SHISA9: variants seen among roughly 807,000 people sequenced by gnomAD.
SHISA9 encodes the protein shisa family member 9.
Under a neutral mutation model 38.0 loss-of-function variants are expected in SHISA9, and 13 were observed. The observed-to-expected ratio is 0.34, with a 90% confidence interval of 0.22 to 0.54. The LOEUF (loss-of-function observed/expected upper bound fraction) is 0.54. SHISA9 is among the 20% of genes least tolerant of loss of function. SHISA9 has a pLI of 0.91. For synonymous variants in SHISA9, 275 were observed against 242.0 expected (o/e 1.14, Z -1.27); for missense variants, 538 against 575.8 (o/e 0.93, Z 0.67).
At chr16:13,525,124 T>C in the SHISA9 span, among the ~76,000 whole-genome samples, 10 of 152,226 alleles carry the variant, frequency 6.6e-5, no homozygotes, top group Non-Finnish European at 1.5e-4. Flanking sequence ...TTCCAAGACG[T>C]TGATTTTAGG....
chr16:13,007,452 C>T (rs889125387), intron 2 of SHISA9, among the ~76,000 whole-genome samples: 7 of 152,150 alleles, frequency 4.6e-5, no homozygotes, highest in African/African-American at 1.7e-4. Context: ...TATTTCTTGC[C>T]TGTGGCCGCC....
the SHISA9 span, among the ~76,000 whole-genome samples, chr16:13,334,285 G>T: frequency 6.6e-6 from 1 of 152,206 alleles, no homozygotes; most frequent in South Asian, 2.1e-4. Context: ...GCAGATGTCT[G>T]GAGTTTGAGC....
chr16:13,261,179 A>G, the SHISA9 span, among the ~76,000 whole-genome samples: 1 of 152,144 alleles, frequency 6.6e-6, no homozygotes. Flanking sequence ...AAACAAGACC[A>G]TCTTGCCTAT....
At chr16:12,985,892 G>A (rs200568860) in intron 2 of SHISA9, among the ~76,000 whole-genome samples, 2 of 152,120 alleles carry the variant, frequency 1.3e-5, no homozygotes, top group East Asian at 1.9e-4. Context: ...CTGCTTCCAG[G>A]ACAACTCTGA....
the SHISA9 span, among the ~76,000 whole-genome samples, chr16:13,396,407 T>C: frequency 6.6e-6 from 1 of 152,192 alleles, no homozygotes; most frequent in Non-Finnish European, 1.5e-5. Flanking sequence ...CTGAGGAGGC[T>C]GAGGCACGAG....
chr16:13,094,724 G>A (rs2073809179), intron 2 of SHISA9, among the ~76,000 whole-genome samples: 1 of 152,088 alleles, frequency 6.6e-6, no homozygotes, highest in South Asian at 2.1e-4. Context: ...TTTGTTTTGG[G>A]TAAAATGAGG....
chr16:13,500,826 C>T, the SHISA9 span, among the ~76,000 whole-genome samples: 871 of 152,266 alleles, frequency 5.7e-3, 6 homozygotes, highest in African/African-American at 0.019. Flanking sequence ...TATAGGGCAG[C>T]TCTAAGAAGC....
intron 2 of SHISA9, among the ~76,000 whole-genome samples, chr16:12,970,398 T>TACATAG (rs1328820463): frequency 2.0e-4 from 1 of 5,110 alleles, no homozygotes; most frequent in Non-Finnish European, 4.2e-4. Flanking sequence ...TGTATATATA[T>TACATAG]ATATACATAT....
the SHISA9 span, among the ~76,000 whole-genome samples, chr16:13,286,457 C>G: frequency 6.6e-6 from 1 of 152,054 alleles, no homozygotes; most frequent in Non-Finnish European, 1.5e-5. Context: ...TTATTCACAC[C>G]AGTGTAAAAT....
At chr16:13,346,774 G>A in the SHISA9 span, among the ~76,000 whole-genome samples, 2 of 151,908 alleles carry the variant, frequency 1.3e-5, no homozygotes, top group Non-Finnish European at 2.9e-5. Context: ...CTACCATACC[G>A]TATACACCCC....
intron 2 of SHISA9, among the ~76,000 whole-genome samples, chr16:13,196,885 G>A (rs939125889): frequency 4.6e-5 from 7 of 152,202 alleles, no homozygotes; most frequent in African/African-American, 1.7e-4. Flanking sequence ...CCTGAGGTCA[G>A]GAGTTCAGGA....
chr16:13,213,310 A>G lies in SHISA9; in HGVS notation c.895+10A>G, dbSNP rs1224061107. 1.9e-5 allele frequency: 30 copies of G among 1,551,160 alleles called. No homozygotes were observed. The highest frequency in any genetic ancestry group is 2.3e-5 in the Non-Finnish European group (26 of 1,146,544). On this transcript the variant is annotated intron_variant, in intron 4 of 4. Coordinates refer to ENST00000558583, the MANE Select transcript of SHISA9 (RefSeq NM_001145204.3). ...CTTAAGTCACCAAAAGGTACTGTAC[A>G]GCTTTTTCTAGCTCTTTTGTCCAGG...
At chr16:13,274,760 AG>A in the SHISA9 span, among the ~76,000 whole-genome samples, 1 of 152,184 alleles carries the variant, frequency 6.6e-6, no homozygotes, top group African/African-American at 2.4e-5. Flanking sequence ...AAGCTGGAAA[AG>A]CCACTTAGCA....
At chr16:12,979,771 C>G (rs758729156) in intron 2 of SHISA9, among the ~76,000 whole-genome samples, 6 of 152,048 alleles carry the variant, frequency 3.9e-5, no homozygotes, top group Non-Finnish European at 5.9e-5. Flanking sequence ...TTCTTTCTGT[C>G]TGTTTCACTT....
chr16:13,191,629 A>T (rs2050886407), intron 2 of SHISA9, among the ~76,000 whole-genome samples: 1 of 152,316 alleles, frequency 6.6e-6, no homozygotes, highest in South Asian at 2.1e-4. Context: ...TGCTGTTGGT[A>T]AGTGGAAGAG....
the SHISA9 span, among the ~76,000 whole-genome samples, chr16:13,319,801 TAAAAAAA>T: frequency 7.2e-6 from 1 of 138,620 alleles, no homozygotes; most frequent in African/African-American, 2.7e-5. Flanking sequence ...ACAGAGCTGT[TAAAAAAA>T]AAAAAAAAAC....
intron 1 of SHISA9, among the ~76,000 whole-genome samples, chr16:12,905,012 C>A (rs761890029): frequency 1.3e-5 from 2 of 152,040 alleles, no homozygotes; most frequent in African/African-American, 2.4e-5. Context: ...GCCACTGTGC[C>A]CGATTGCATC....
At chr16:13,219,978 G>A (rs1280632041) in intron 4 of SHISA9, among the ~76,000 whole-genome samples, 3 of 152,040 alleles carry the variant, frequency 2.0e-5, no homozygotes, top group Non-Finnish European at 4.4e-5. Context: ...AAAAAGAATA[G>A]GAAAGAGATG....
At chr16:13,159,117 A>G (rs1431789470) in intron 2 of SHISA9, among the ~76,000 whole-genome samples, 1 of 151,866 alleles carries the variant, frequency 6.6e-6, no homozygotes, top group African/African-American at 2.4e-5. Context: ...CAAAAACACA[A>G]CAAAAACAAA....
Sources: gnomAD v4.1 joint callset for allele counts (sites outside exome capture counted in the v4.1 genomes callset) on GRCh38, gnomAD v4.1.1 for gene constraint, MANE v1.5 for transcripts, NCBI Gene and HGNC (gene_info 2026-07-23, HGNC 2026-07-21) for gene names.